The following HMGCLL1 variants were observed in gnomAD, a reference collection of about 807,000 sequenced individuals.
HMGCLL1 encodes 3-hydroxy-3-methylglutaryl-CoA lyase like 1.
HMGCLL1 carries 36 observed loss-of-function variants against 39.1 expected under a neutral mutation model. The ratio of observed to expected loss-of-function variants is 0.92; its 90% CI spans 0.71 to 1.22. The LOEUF (loss-of-function observed/expected upper bound fraction) is 1.22. HMGCLL1 is among the 50% of genes most tolerant of loss of function. The pLI, the probability that HMGCLL1 is intolerant of heterozygous loss-of-function variation, is 0.00. For synonymous variants in HMGCLL1, 149 were observed against 144.0 expected, an observed-to-expected ratio of 1.03 and a Z score of -0.25; for missense variants, 451 against 416.5, an observed-to-expected ratio of 1.08 and a Z score of -0.72.
the HMGCLL1 span, among the ~76,000 whole-genome samples, chr6:55,667,668 A>G: frequency 2.0e-5 from 3 of 151,832 alleles, no homozygotes; most frequent in Non-Finnish European, 4.4e-5. Flanking sequence ...GGAAACATAT[A>G]TAACATTATA....
chr6:55,551,618 A>G (rs920129340), intron 1 of HMGCLL1, among the ~76,000 whole-genome samples: 2 of 152,090 alleles, frequency 1.3e-5, no homozygotes, highest in South Asian at 4.1e-4. Context: ...ATCTAAAGAA[A>G]GTAAAAGATA....
chr6:55,537,830 C>T (rs1486321335), intron 3 of HMGCLL1, among the ~76,000 whole-genome samples: 1 of 152,108 alleles, frequency 6.6e-6, no homozygotes, highest in Non-Finnish European at 1.5e-5. Flanking sequence ...GGCACTTATT[C>T]GATAATACTT....
chr6:55,498,056 T>C (rs554110045), intron 6 of HMGCLL1, among the ~76,000 whole-genome samples: 3 of 152,256 alleles, frequency 2.0e-5, no homozygotes, highest in African/African-American at 4.8e-5. Flanking sequence ...GAATTATTCC[T>C]GTTACATGAC....
chr6:55,593,454 G>A, the HMGCLL1 span, among the ~76,000 whole-genome samples: 2 of 152,066 alleles, frequency 1.3e-5, no homozygotes, highest in African/African-American at 2.4e-5. Context: ...TCTGAACTGC[G>A]TGTGGGAGAA....
the HMGCLL1 span, among the ~76,000 whole-genome samples, chr6:55,600,151 T>G: frequency 6.6e-6 from 1 of 152,196 alleles, no homozygotes; most frequent in South Asian, 2.1e-4. Flanking sequence ...TTTTTTTAAA[T>G]CTCTAAAATC....
chr6:55,619,402 T>C, the HMGCLL1 span, among the ~76,000 whole-genome samples: 1 of 152,292 alleles, frequency 6.6e-6, no homozygotes, highest in African/African-American at 2.4e-5. Flanking sequence ...CTGATTCTAA[T>C]GCCTTTTCGC....
chr6:55,542,818 T>A (rs947670419), intron 1 of HMGCLL1, among the ~76,000 whole-genome samples: 1 of 138,372 alleles, frequency 7.2e-6, no homozygotes, highest in African/African-American at 2.7e-5. Context: ...ATATATTACA[T>A]ATATATGTAA....
chr6:55,648,161 G>A, the HMGCLL1 span, among the ~76,000 whole-genome samples: 2 of 138,720 alleles, frequency 1.4e-5, no homozygotes, highest in African/African-American at 5.6e-5. Context: ...TCTTAATCCA[G>A]TCTATCATTG....
At position 55,516,512 on chromosome 6, in the gene HMGCLL1, T is replaced by C; in HGVS notation, c.389A>G (p.His130Arg). The C allele has an allele frequency of 1.9e-6, 3 of 1,587,832 alleles. No homozygotes were observed. The highest frequency in any genetic ancestry group is 2.3e-5 in the South Asian group (2 of 87,584). ...VLTPNLQGFH[H>R]AVAAGATEIS... is the part of the protein sequence containing the mutation. ...AGATATTAGTAGCACACTTACAGCA[T>C]GGTGAAAACCCTGAAGATTAGGAGT... is the stretch of plus-strand genomic sequence containing the variant. The change falls in exon 4 of 9, where the codon CAT becomes CGT. Residue 130 changes from histidine to arginine, a missense_variant. Physicochemically the swap from His to Arg is conservative, Grantham distance 29. Coordinates refer to ENST00000274901, the MANE Select transcript of HMGCLL1 (RefSeq NM_001042406.2).
At position 55,571,076 on chromosome 6, in the gene HMGCLL1, G is replaced by A. The variant is rs370043005; in HGVS notation, c.108+7872C>T. Among the ~76,000 whole-genome samples, 23 of 152,304 alleles carry A rather than the reference G, an allele frequency of 1.5e-4. No homozygotes were observed. The East Asian group carries it at 2.3e-3, about 15-fold the overall frequency. ...TCTCCCACCAGGTCCCTCCCACAAC[G>A]TGTGGAAATTATGGGAGCTACAATT... On this transcript the variant is annotated intron_variant, in intron 1 of 8. Transcript: ENST00000274901.
At chr6:55,499,120 G>T (rs961130648) in intron 6 of HMGCLL1, 116 bp downstream of exon 6, 2 of 688,516 alleles carry the variant, frequency 2.9e-6, no homozygotes, top group South Asian at 2.4e-5. Context: ...TTCAGGGTTC[G>T]CCTCTTAATC....
intron 3 of HMGCLL1, among the ~76,000 whole-genome samples, chr6:55,536,714 A>G (rs1769054802): frequency 6.6e-6 from 1 of 152,074 alleles, no homozygotes. Flanking sequence ...CAGGTATTTT[A>G]TCATCTCCAG....
Position 55,579,000 on chromosome 6 carries a change from C to G in HMGCLL1, c.56G>C (p.Arg19Pro). Residue 19 changes from arginine (R) to proline (P), a missense_variant, in exon 1 of 9, where the codon CGG (arginine) becomes CCG (proline). By Grantham distance (103) the Arg-to-Pro change is moderately radical. Coordinates refer to ENST00000274901, the MANE Select transcript of HMGCLL1 (RefSeq NM_001042406.2). ...KHCLSYQQLL[R>P]EHLWIGDSVA... ...TGAATCCCCGATCCAGAGATGCTCC[C>G]GGAGAAGCTGCTGGTAGCTGAGGCA... 2.5e-6 allele frequency: 4 copies of G among 1,613,736 alleles called. No homozygotes were observed. Among genetic ancestry groups the G allele is most frequent in the Non-Finnish European group, 2.5e-6 (3 of 1,179,878 alleles).
chr6:55,638,346 G>T, the HMGCLL1 span, among the ~76,000 whole-genome samples: 1 of 151,122 alleles, frequency 6.6e-6, no homozygotes, highest in African/African-American at 2.4e-5. Context: ...GGCATAGGTT[G>T]CAGTGAGCTG....
At chr6:55,534,736 T>C (rs1768916523) in intron 3 of HMGCLL1, among the ~76,000 whole-genome samples, 1 of 152,214 alleles carries the variant, frequency 6.6e-6, no homozygotes, top group Admixed American at 6.5e-5. Context: ...GAATTCTTGA[T>C]ACACAAATAC....
intron 1 of HMGCLL1, among the ~76,000 whole-genome samples, chr6:55,557,681 T>C (rs1581946954): frequency 6.6e-6 from 1 of 152,124 alleles, no homozygotes; most frequent in African/African-American, 2.4e-5. Context: ...TGAGGGGTGG[T>C]CTGGGGCCAC....
chr6:55,497,554 GT>G, intron 6 of HMGCLL1, among the ~76,000 whole-genome samples: 1 of 152,216 alleles, frequency 6.6e-6, no homozygotes, highest in South Asian at 2.1e-4. Flanking sequence ...CTGAAGTCAA[GT>G]GAGGATAGAT....
At chr6:55,570,311 C>G (rs1771412570) in intron 1 of HMGCLL1, among the ~76,000 whole-genome samples, 1 of 152,192 alleles carries the variant, frequency 6.6e-6, no homozygotes, top group Non-Finnish European at 1.5e-5. Flanking sequence ...GTCCTATTAT[C>G]TACTGGCCTT....
chr6:55,646,549 AGT>A, the HMGCLL1 span, among the ~76,000 whole-genome samples: 2 of 151,798 alleles, frequency 1.3e-5, no homozygotes, highest in African/African-American at 4.8e-5. Context: ...TTTCCCTCTT[AGT>A]ACTGCTTTTG....
Sources: gnomAD v4.1 joint callset for allele counts (sites outside exome capture counted in the v4.1 genomes callset) on GRCh38, gnomAD v4.1.1 for gene constraint, MANE v1.5 for transcripts, NCBI Gene and HGNC (gene_info 2026-07-23, HGNC 2026-07-21) for gene names.